Variants in IL9R observed in about 807,000 individuals in gnomAD.
IL9R encodes interleukin 9 receptor.
In IL9R, 54 loss-of-function variants were observed where a neutral mutation model predicts 56.3. The observed-to-expected ratio is 0.96, with a 90% CI of 0.77 to 1.20. The LOEUF (loss-of-function observed/expected upper bound fraction) is 1.20. IL9R is among the 50% of genes most tolerant of loss of function. The pLI, the probability that IL9R is intolerant of heterozygous loss-of-function variation, is 0.00. For missense variants in IL9R, 545 were observed against 629.8 expected (o/e 0.87, Z 1.44); for synonymous variants, 212 against 250.2 (o/e 0.85, Z 1.44).
At chrX:156,000,233 G>C in intron 1 of IL9R, among the ~76,000 whole-genome samples, 1 of 152,138 alleles carries the variant, frequency 6.6e-6, no homozygotes, top group South Asian at 2.1e-4. Flanking sequence ...AGGGCAACTT[G>C]GAGAGTGTGC....
rs767161258 is a variant in IL9R at position 156,005,067 on chromosome X, T to C, written c.580-211T>C. Among the ~76,000 whole-genome samples the C allele has an allele frequency of 2.0e-5, 3 of 152,228 alleles. No individual in the cohort carries two copies. In the South Asian group the frequency reaches 6.2e-4, roughly 32 times the overall value. ...AGACATGTTTGCCTGTGTGTGCATA[T>C]GTGTATTTGTGGGCAAACGCAGCTG... On this transcript the variant is annotated intron_variant, in intron 5 of 8. Transcript: ENST00000244174.
At chrX:156,001,795 C>T (rs1329702680) in intron 1 of IL9R, among the ~76,000 whole-genome samples, 1 of 152,194 alleles carries the variant, frequency 6.6e-6, no homozygotes, top group Non-Finnish European at 1.5e-5. Flanking sequence ...CACCCAAGCA[C>T]TTCCTGACAC....
At chrX:156,000,255 G>C (rs191274329) in intron 1 of IL9R, among the ~76,000 whole-genome samples, 70 of 152,178 alleles carry the variant, frequency 4.6e-4, no homozygotes, top group African/African-American at 1.6e-3. Context: ...TGGAGGCACA[G>C]AGATGCTCAG....
chrX:155,999,164 G>C (rs2067338797), intron 1 of IL9R, among the ~76,000 whole-genome samples: 1 of 152,032 alleles, frequency 6.6e-6, no homozygotes, highest in Non-Finnish European at 1.5e-5. Flanking sequence ...AGATGGCAGA[G>C]GGGACAGTGG....
chrX:156,009,083 TTGTG>T (rs879040215), intron 8 of IL9R, among the ~76,000 whole-genome samples: 1,907 of 123,572 alleles, frequency 0.015, 14 homozygotes, highest in African/African-American at 0.05. Context: ...CTGTGTGTGT[TTGTG>T]TGTGTGTGTC....
intron 2 of IL9R, 21 bp from the exon 3 acceptor site, chrX:156,003,428 C>T (rs1276753337): frequency 8.9e-6 from 14 of 1,566,330 alleles, no homozygotes; most frequent in Non-Finnish European, 1.1e-5. Context: ...ACCGTGGGCT[C>T]CTGATGGTCA....
At chrX:156,006,224 G>C in intron 7 of IL9R, 36 bp downstream of exon 7, 1 of 778,364 alleles carries the variant, frequency 1.3e-6, no homozygotes. Flanking sequence ...GTACATGTGT[G>C]AGCGGGCAAG....
Position 156,003,667 on chromosome X carries a change from C to G in IL9R, c.255-10C>G. On this transcript the variant is annotated splice_polypyrimidine_tract_variant and intron_variant, in intron 3 of 8. Transcript: ENST00000244174. ...AGCAGCCCCGTGGTGCTGACAAATGCCCTTTCCAGCAACCAGGCTCCTGGC... is the reference window on the plus strand; with the variant it reads ...AGCAGCCCCGTGGTGCTGACAAATGGCCTTTCCAGCAACCAGGCTCCTGGC... 1.2e-6 allele frequency: 2 copies of G among 1,612,390 alleles called. No homozygotes were observed. The highest frequency in any genetic ancestry group is 1.7e-6 in the Non-Finnish European group (2 of 1,179,116).
In IL9R at chrX:156,005,280, G is replaced by A. The variant is rs765284632; in HGVS notation, c.582G>A (p.Gln194=). The change falls in exon 6 of 9, where the codon CAG becomes CAA. Residue 194 remains glutamine, a splice_region_variant and synonymous_variant. Transcript: ENST00000244174. ...GCTAACTGTCCCCACCCCCACAGCA[G>A]GCCCAGCACAGGGATCACATTGTCG... is the stretch of plus-strand genomic sequence containing the variant. ...AFKKQEEAWE[Q]AQHRDHIVGV... 8 of 1,611,864 alleles carry A rather than the reference G, an allele frequency of 5.0e-6. No homozygotes were observed. Among genetic ancestry groups the A allele is most frequent in the Non-Finnish European group, 6.8e-6 (8 of 1,179,818 alleles).
At chrX:156,000,321 G>A (rs1288554958) in intron 1 of IL9R, among the ~76,000 whole-genome samples, 2 of 152,070 alleles carry the variant, frequency 1.3e-5, no homozygotes, top group East Asian at 3.9e-4. Context: ...TGAGTGTTCA[G>A]GAAAGGTGAG....
rs2068179944 is a variant in IL9R, at chrX:156,008,863, GTGTGTC to G, written c.973-947_973-942del. Among the ~76,000 whole-genome samples, 5 of 151,742 alleles carry G rather than the reference GTGTGTC, an allele frequency of 3.3e-5. No individual in the cohort carries two copies. The South Asian group carries it at 1.0e-3, about 32-fold the overall frequency. On this transcript the variant is annotated intron_variant, in intron 8 of 8. Transcript: ENST00000244174. ...CACCAGTCCTGACAGCGATTCGTGTGTGTGTCTGTGTGTGTGTGTGTGTGTGTTTAT... is the reference window on the plus strand; with the variant it reads ...CACCAGTCCTGACAGCGATTCGTGTGTGTGTGTGTGTGTGTGTGTGTTTAT...
chrX:156,004,039 C>A (rs1463944801), intron 4 of IL9R, among the ~76,000 whole-genome samples, 184 bp downstream of exon 4: 2 of 152,128 alleles, frequency 1.3e-5, no homozygotes, highest in Admixed American at 6.5e-5. Context: ...ATGGTTACTG[C>A]AGGGGCAGGG....
chrX:156,009,033 A>ATCTGTGTGTGTTTGTG, intron 8 of IL9R, among the ~76,000 whole-genome samples: 1 of 71,024 alleles, frequency 1.4e-5, no homozygotes, highest in Non-Finnish European at 2.9e-5. Flanking sequence ...GTGTGTCTGT[A>ATCTGTGTGTGTTTGTG]TCTGTGTGTG....
At chrX:156,001,759 G>A (rs2067546257) in intron 1 of IL9R, among the ~76,000 whole-genome samples, 1 of 152,146 alleles carries the variant, frequency 6.6e-6, no homozygotes, top group African/African-American at 2.4e-5. Context: ...TGCAAATGGG[G>A]TGATAGGGCG....
intron 1 of IL9R, among the ~76,000 whole-genome samples, chrX:156,002,281 C>G (rs2067583251): frequency 6.6e-6 from 1 of 151,904 alleles, no homozygotes. Context: ...ACCCAGGAGG[C>G]GGAGGTTGCA....
chrX:156,006,027 G>C (rs1277994292), intron 6 of IL9R, 56 bp from the exon 7 acceptor site: 5 of 885,854 alleles, frequency 5.6e-6, no homozygotes, highest in Admixed American at 4.2e-5. Context: ...GGTGGGTTTG[G>C]GGGGAGCCTC....
Position 156,006,113 on chromosome X carries a change from G to A in IL9R, c.812G>A (p.Gly271Asp), listed in dbSNP as rs1280704033. The A allele has an allele frequency of 2.5e-6, 4 of 1,600,652 alleles. No homozygotes were observed. Among genetic ancestry groups the A allele is most frequent in the East Asian group, 4.5e-5 (2 of 44,846 alleles). The change falls in exon 7 of 9, where the codon GGC (glycine) becomes GAC (aspartate). Residue 271 changes from glycine to aspartate, a missense_variant. Coordinates refer to ENST00000244174, the MANE Select transcript of IL9R (RefSeq NM_002186.3). The part of the protein sequence containing the change: ...GPLIPPWGWP[G>D]NTLVAVSIFL... ...CTGATCCCACCCTGGGGGTGGCCAG[G>A]CAACACCCTTGTTGCTGTGTCCATC...
chrX:156,006,773 G>A (rs1043812359), intron 7 of IL9R, among the ~76,000 whole-genome samples: 8 of 151,712 alleles, frequency 5.3e-5, no homozygotes, highest in Non-Finnish European at 1.0e-4. Context: ...AGGGTGCTTC[G>A]CTTCTCCTTG....
Position 156,010,331 on chromosome X carries a change from G to A in IL9R, c.1488G>A (p.Gln496=), listed in dbSNP as rs2068414975. The change falls in exon 9 of 9, where the codon CAG becomes CAA. Residue 496 remains glutamine (Q), a synonymous_variant. Coordinates refer to ENST00000244174, the MANE Select transcript of IL9R (RefSeq NM_002186.3). ...CCTGGGTGCTGGCTGGTCACTGCCA[G>A]AGGCCTGGGCTGCATGAGGACCTCC... ...GVAWVLAGHC[Q]RPGLHEDLQG... The A allele has an allele frequency of 2.8e-6, 2 of 724,982 alleles. No homozygotes were observed. Among genetic ancestry groups the A allele is most frequent in the South Asian group, 1.8e-5 (1 of 54,490 alleles). 44.9% of individuals were successfully genotyped at this position (724,982 alleles called of 1,614,324 possible).
Sources: allele counts gnomAD v4.1 joint callset (sites outside exome capture counted in the v4.1 genomes callset), GRCh38; gene constraint gnomAD v4.1.1; transcripts MANE v1.5; gene names NCBI Gene and HGNC (gene_info 2026-07-23, HGNC 2026-07-21).